The following ERCC4 variants were observed in gnomAD, a reference collection of about 807,000 sequenced individuals.
ERCC4 encodes ERCC excision repair 4, endonuclease catalytic subunit.
In ERCC4, 65 loss-of-function variants were observed where a neutral mutation model predicts 76.9. The ratio of observed to expected loss-of-function variants is 0.84; its 90% confidence interval spans 0.69 to 1.04. The LOEUF is 1.04. Among genes scored for constraint, ERCC4 ranks in the 50% least tolerant of loss-of-function variants. The probability of loss-of-function intolerance (pLI) is 0.00; values close to 1 mark genes in which losing one functional copy is unlikely to be tolerated. For synonymous variants in ERCC4, 463 were observed against 410.1 expected (o/e 1.13, Z -1.56); for missense variants, 1,214 against 1,128.2 (o/e 1.08, Z -1.09).
intron 2 of ERCC4, among the ~76,000 whole-genome samples, chr16:13,923,803 CTT>C (rs2032023265): frequency 6.6e-6 from 1 of 152,148 alleles, no homozygotes; most frequent in Admixed American, 6.5e-5. Context: ...ATACACCAGT[CTT>C]TTACTGTTTG....
chr16:13,936,189 A>G (rs2032288784), intron 8 of ERCC4, among the ~76,000 whole-genome samples: 1 of 152,342 alleles, frequency 6.6e-6, no homozygotes, highest in South Asian at 2.1e-4. Context: ...TGGGGGAATT[A>G]CTGTACCAGG....
Position 13,935,233 on chromosome 16 carries a change from G to A in ERCC4, c.1301G>A (p.Arg434Lys), listed in dbSNP as rs1473430382. The change falls in exon 8 of 11, where the codon AGG becomes AAG. Residue 434 changes from arginine to lysine, a missense_variant. Arg to Lys is a conservative substitution (Grantham distance 26). Coordinates refer to ENST00000311895, the MANE Select transcript of ERCC4 (RefSeq NM_005236.3). ...CTTGGAGCGGAGGCCTTCTTATTGA[G>A]GCTCTACAGGAAAACCTTTGAGAAG... ...ITLGAEAFLLRLYRKTFEKDS... is the reference protein window; with the variant it reads ...ITLGAEAFLLKLYRKTFEKDS... 2 of 1,613,886 alleles carry A rather than the reference G, an allele frequency of 1.2e-6. No homozygotes were observed. The highest frequency in any genetic ancestry group is 2.7e-5 in the African/African-American group (2 of 74,886).
intron 10 of ERCC4, 94 bp from the exon 11 acceptor site, chr16:13,947,520 C>T (rs2032537326): frequency 1.7e-6 from 2 of 1,175,942 alleles, no homozygotes; most frequent in Non-Finnish European, 2.6e-6. Context: ...AACCATCCAT[C>T]AGAGTTAACA....
intron 9 of ERCC4, among the ~76,000 whole-genome samples, chr16:13,940,970 C>T (rs985012776): frequency 2.8e-4 from 43 of 152,202 alleles, no homozygotes; most frequent in African/African-American, 1.0e-3. Flanking sequence ...TTTCTTGCTT[C>T]GCCTGTCTTC....
chr16:13,926,068 A>T (rs2032066426), intron 2 of ERCC4, among the ~76,000 whole-genome samples: 7 of 152,182 alleles, frequency 4.6e-5, no homozygotes. Flanking sequence ...GATGTTGCCC[A>T]GACTTCTAAA....
rs1335304576 is a variant in ERCC4, at chr16:13,949,945, C to T, written c.*1598C>T. On this transcript the variant is annotated 3_prime_UTR_variant, in exon 11 of 11. Coordinates refer to ENST00000311895, the MANE Select transcript of ERCC4 (RefSeq NM_005236.3). ...GGATCATGTAACACAAAATTGTCTT[C>T]AACTTTAACAAAATTGTCATTGTTA... 1 of 230,402 alleles carries T rather than the reference C, an allele frequency of 4.3e-6. No individual in the cohort carries two copies. Among genetic ancestry groups the T allele is most frequent in the Non-Finnish European group, 8.6e-6 (1 of 116,516 alleles). 14.3% of individuals were successfully genotyped at this position (230,402 alleles called of 1,614,324 possible).
In ERCC4 at chr16:13,950,953, G is replaced by T; in HGVS notation, c.*2606G>T. ...CTCTCCAAATCTGTTCTTTGCTCTTGTATCTGCTGGACGCTTGAAGACAGG... is the reference window on the plus strand; with the variant it reads ...CTCTCCAAATCTGTTCTTTGCTCTTTTATCTGCTGGACGCTTGAAGACAGG... On this transcript the variant is annotated 3_prime_UTR_variant, in exon 11 of 11. Coordinates refer to ENST00000311895, the MANE Select transcript of ERCC4 (RefSeq NM_005236.3). 1.0e-5 allele frequency: 2 copies of T among 194,702 alleles called. No homozygotes were observed. The highest frequency in any genetic ancestry group is 1.8e-3 in the Middle Eastern group (1 of 552). 12.1% of individuals were successfully genotyped at this position (194,702 alleles called of 1,614,324 possible).
chr16:13,921,882 G>C, intron 1 of ERCC4, 149 bp from the exon 2 acceptor site: 19 of 616,564 alleles, frequency 3.1e-5, no homozygotes, highest in South Asian at 2.4e-4. Flanking sequence ...CTGGTTGGCT[G>C]AAGTTACTAT....
At chr16:13,932,088 T>C in intron 5 of ERCC4, 69 bp from the exon 6 acceptor site, 21 of 1,349,994 alleles carry the variant, frequency 1.6e-5, no homozygotes, top group Non-Finnish European at 2.2e-5. Flanking sequence ...GTAGGTCATG[T>C]GACCATCAGA....
Position 13,937,739 on chromosome 16 carries a change from A to T in ERCC4, c.1812-27A>T, listed in dbSNP as rs778785005. 2.0e-6 allele frequency: 3 copies of T among 1,478,736 alleles called. No individual in the cohort carries two copies. In the South Asian group the frequency reaches 3.4e-5, roughly 17 times the overall value. The allele number at this position is 1,478,736 out of a possible 1,614,324, so 91.6% of individuals were successfully genotyped here. On this transcript the variant is annotated intron_variant, in intron 8 of 10. Transcript: ENST00000311895. ...AGGGATTAAAAATGCTGTTTTTCCAACCTAAAAGTTCTGTCTTAACATGCA... is the reference window on the plus strand; with the variant it reads ...AGGGATTAAAAATGCTGTTTTTCCATCCTAAAAGTTCTGTCTTAACATGCA...
chr16:13,928,001 A>C, intron 3 of ERCC4, 27 bp from the exon 4 acceptor site: 1 of 1,567,016 alleles, frequency 6.4e-7, no homozygotes, highest in Non-Finnish European at 8.8e-7. Context: ...ACTCTAGAAA[A>C]TTGTTGAAAA....
Position 13,930,710 on chromosome 16 carries a change from A to G in ERCC4, c.793A>G (p.Thr265Ala), listed in dbSNP as rs2032155309. Residue 265 changes from threonine (T) to alanine (A), a missense_variant and splice_region_variant, in exon 5 of 11, where the codon ACA (threonine) becomes GCA (alanine). Transcript: ENST00000311895. The stretch of plus-strand genomic sequence containing the variant: ...ATACCAAATTTTATTCTTGTTTTAG[A>G]CAATCCGCCATTATCTGGATCCTTT... ...ENAIGKPFDK[T>A]IRHYLDPLWH... 1.9e-6 allele frequency: 3 copies of G among 1,612,078 alleles called. No homozygotes were observed. The highest frequency in any genetic ancestry group is 2.2e-5 in the East Asian group (1 of 44,860).
At chr16:13,921,612 A>G (rs1030999038) in intron 1 of ERCC4, among the ~76,000 whole-genome samples, 1 of 152,232 alleles carries the variant, frequency 6.6e-6, no homozygotes, top group African/African-American at 2.4e-5. Context: ...TCTAGGATAG[A>G]TTAGCACAGA....
chr16:13,932,479 C>G (rs566325830), intron 6 of ERCC4, 194 bp downstream of exon 6: 1 of 617,450 alleles, frequency 1.6e-6, no homozygotes, highest in South Asian at 2.0e-5. Flanking sequence ...TAATGTATGT[C>G]GAAGTATACA....
At chr16:13,936,487 G>A (rs2032296203) in intron 8 of ERCC4, among the ~76,000 whole-genome samples, 2 of 152,186 alleles carry the variant, frequency 1.3e-5, no homozygotes. Flanking sequence ...ATTATAGGCT[G>A]GTAAATTTTT....
intron 1 of ERCC4, among the ~76,000 whole-genome samples, chr16:13,921,309 G>A (rs2031971713): frequency 6.6e-6 from 1 of 152,172 alleles, no homozygotes; most frequent in African/African-American, 2.4e-5. Flanking sequence ...GGACAATGGA[G>A]AACACTGAGA....
At position 13,920,311 on chromosome 16, in the gene ERCC4, T is replaced by G; in HGVS notation, c.146T>G (p.Leu49Arg). The G allele has an allele frequency of 6.2e-7, 1 of 1,602,374 alleles. No homozygotes were observed. The highest frequency in any genetic ancestry group is 8.5e-7 in the Non-Finnish European group (1 of 1,179,554). The change falls in exon 1 of 11, where the codon CTC becomes CGC. Residue 49 changes from leucine to arginine, a missense_variant. By Grantham distance (102) the Leu-to-Arg change is moderately radical (BLOSUM62 -2). Coordinates refer to ENST00000311895, the MANE Select transcript of ERCC4 (RefSeq NM_005236.3). ...GCGGACCGGCTCCTCTACCACTTTC[T>G]CCAGCTGCACTGCCACCCAGCCTGC... ...LGADRLLYHF[L>R]QLHCHPACLV...
intron 9 of ERCC4, among the ~76,000 whole-genome samples, chr16:13,940,402 A>G (rs1453351462): frequency 6.6e-6 from 1 of 152,130 alleles, no homozygotes; most frequent in Non-Finnish European, 1.5e-5. Flanking sequence ...AAAAAAAGAA[A>G]AAAAAGATTA....
At chr16:13,940,844 T>A (rs3136189) in intron 9 of ERCC4, among the ~76,000 whole-genome samples, 1 of 152,036 alleles carries the variant, frequency 6.6e-6, no homozygotes, top group African/African-American at 2.4e-5. Flanking sequence ...GAAGCCTTTC[T>A]TGGAAACATG....
Sources: gnomAD v4.1 joint callset for allele counts (sites outside exome capture counted in the v4.1 genomes callset) on GRCh38, gnomAD v4.1.1 for gene constraint, MANE v1.5 for transcripts, NCBI Gene and HGNC (gene_info 2026-07-23, HGNC 2026-07-21) for gene names.